The following DMD variants were observed in gnomAD, a reference collection of about 807,000 sequenced individuals.
DMD encodes the protein mutant dystrophin.
DMD carries 63 observed loss-of-function variants against 330.1 expected under a neutral mutation model. That is an observed-to-expected ratio of 0.19 (90% confidence interval 0.16 to 0.24). The LOEUF is 0.24. Ranked by LOEUF, DMD falls within the 10% of genes least tolerant of loss-of-function variation. DMD has a pLI of 1.00. For missense variants in DMD, 3,344 were observed against 2,684.1 expected (o/e 1.25, Z -5.43); for synonymous variants, 1,223 against 959.8 (o/e 1.27, Z -5.07).
At chrX:31,812,826 G>A (rs1205439554) in intron 50 of DMD, among the ~76,000 whole-genome samples, 1 of 111,511 alleles carries the variant, frequency 9.0e-6, no homozygotes, top group Non-Finnish European at 1.9e-5. Context: ...TCTGACCCTT[G>A]GTTATCTCAT....
chrX:31,588,455 A>C (rs944690158), intron 55 of DMD, among the ~76,000 whole-genome samples: 23 of 111,580 alleles, frequency 2.1e-4, no homozygotes, highest in African/African-American at 7.5e-4. Context: ...TTTTACAGCC[A>C]GGAAATTTTG....
chrX:32,662,792 C>A (rs1419240357), intron 9 of DMD, among the ~76,000 whole-genome samples: 1 of 111,614 alleles, frequency 9.0e-6, no homozygotes, highest in Non-Finnish European at 1.9e-5. Context: ...TAAATTTGCT[C>A]CTTGTCAGCA....
At chrX:32,852,566 G>C (rs1347508790) in intron 2 of DMD, among the ~76,000 whole-genome samples, 2 of 111,434 alleles carry the variant, frequency 1.8e-5, no homozygotes, top group African/African-American at 6.5e-5. Flanking sequence ...ACCACAGTCA[G>C]GTAGACCATC....
intron 1 of DMD, among the ~76,000 whole-genome samples, chrX:33,144,706 TCA>T (rs1282221136): frequency 9.0e-6 from 1 of 111,595 alleles, no homozygotes; most frequent in Non-Finnish European, 1.9e-5. Context: ...ATCAGAGTTT[TCA>T]CAGAGAGCAA....
At chrX:32,336,221 T>C (rs1325428505) in intron 41 of DMD, among the ~76,000 whole-genome samples, 1 of 110,642 alleles carries the variant, frequency 9.0e-6, no homozygotes, top group Non-Finnish European at 1.9e-5. Context: ...GTTATATATG[T>C]TAGCCAGGCT....
intron 41 of DMD, among the ~76,000 whole-genome samples, chrX:32,338,869 A>G (rs2148793217): frequency 8.9e-6 from 1 of 111,784 alleles, no homozygotes; most frequent in South Asian, 3.7e-4. Context: ...TCCTGTGTTT[A>G]TTCTGTGAAT....
At chrX:31,688,490 C>CA (rs960705081) in intron 52 of DMD, among the ~76,000 whole-genome samples, 3 of 111,150 alleles carry the variant, frequency 2.7e-5, no homozygotes, top group African/African-American at 9.8e-5. Context: ...GCCTACAAAC[C>CA]AAAAAAAGTC....
At chrX:32,536,797 G>T (rs228354) in intron 17 of DMD, among the ~76,000 whole-genome samples, 20,611 of 110,648 alleles carry the variant, frequency 0.19, 1,430 homozygotes, top group East Asian at 0.32. Flanking sequence ...AGTGAAGCTG[G>T]AGAGGTAGGC....
chrX:32,046,103 T>G (rs1411213685), intron 44 of DMD, among the ~76,000 whole-genome samples: 2 of 112,656 alleles, frequency 1.8e-5, no homozygotes, highest in East Asian at 2.8e-4. Flanking sequence ...TTTTTAATCC[T>G]AAAGACAGAA....
intron 2 of DMD, among the ~76,000 whole-genome samples, chrX:32,855,889 A>G (rs7886579): frequency 0.22 from 24,238 of 111,139 alleles, 2,873 homozygotes; most frequent in African/African-American, 0.45. Flanking sequence ...CACACAGAGT[A>G]GGAGAGAATA....
chrX:31,683,345 G>C (rs2082488611), intron 52 of DMD, among the ~76,000 whole-genome samples: 1 of 112,001 alleles, frequency 8.9e-6, no homozygotes, highest in African/African-American at 3.3e-5. Context: ...TCTGGTTTAG[G>C]TGCCTGTTAG....
chrX:33,007,901 C>T (rs2093427948), intron 2 of DMD, among the ~76,000 whole-genome samples: 1 of 111,500 alleles, frequency 9.0e-6, no homozygotes, highest in African/African-American at 3.3e-5. Flanking sequence ...AAGTACTCTC[C>T]GTAGACCTTG....
At chrX:32,619,960 C>A (rs2057871001) in intron 11 of DMD, among the ~76,000 whole-genome samples, 1 of 111,209 alleles carries the variant, frequency 9.0e-6, no homozygotes, top group African/African-American at 3.3e-5. Flanking sequence ...CAGTAAGAAA[C>A]AGAAGAGGAA....
chrX:32,015,348 T>A (rs142235790), intron 44 of DMD, among the ~76,000 whole-genome samples: 1 of 111,835 alleles, frequency 8.9e-6, no homozygotes, highest in African/African-American at 3.2e-5. Flanking sequence ...CAAGACTTTC[T>A]AGTTCTAACA....
intron 9 of DMD, among the ~76,000 whole-genome samples, chrX:32,647,863 A>T (rs1418067007): frequency 8.9e-6 from 1 of 112,159 alleles, no homozygotes; most frequent in East Asian, 2.8e-4. Flanking sequence ...AGGAGATGGA[A>T]AATTATTGTC....
intron 42 of DMD, among the ~76,000 whole-genome samples, chrX:32,288,477 T>C (rs188927379): frequency 8.9e-6 from 1 of 111,816 alleles, no homozygotes; most frequent in East Asian, 2.8e-4. Context: ...TAGAAGCTAT[T>C]ATTGTCTCTC....
intron 1 of DMD, among the ~76,000 whole-genome samples, chrX:33,052,481 G>A (rs1569551789): frequency 1.8e-5 from 2 of 111,559 alleles, no homozygotes; most frequent in East Asian, 5.6e-4. Context: ...TGATAATATG[G>A]AAACATTTAT....
chrX:31,683,237 G>A (rs1309871691), intron 52 of DMD, among the ~76,000 whole-genome samples: 2 of 111,912 alleles, frequency 1.8e-5, no homozygotes, highest in African/African-American at 6.5e-5. Context: ...ATCCATCCAT[G>A]TAGCCAGCTA....
chrX:32,566,002 C>A, intron 15 of DMD, 121 bp from the exon 16 acceptor site: 2 of 617,687 alleles, frequency 3.2e-6, no homozygotes, highest in Non-Finnish European at 5.1e-6. Context: ...TCAATCGTGC[C>A]CGCAAAGGAT....
Sources: gnomAD v4.1 joint callset for allele counts (sites outside exome capture counted in the v4.1 genomes callset) on GRCh38, gnomAD v4.1.1 for gene constraint, MANE v1.5 for transcripts, NCBI Gene and HGNC (gene_info 2026-07-23, HGNC 2026-07-21) for gene names.